MSR1: variants seen among roughly 807,000 people sequenced by gnomAD.
The protein encoded by MSR1 is macrophage scavenger receptor 1, also known as macrophage scavenger receptor types I and II.
MSR1 carries 53 observed loss-of-function variants against 47.2 expected under a neutral mutation model. The observed-to-expected ratio is 1.12, with a 90% CI of 0.90 to 1.41. The LOEUF is 1.41. Ranked by LOEUF, MSR1 falls within the 40% of genes most tolerant of loss-of-function variation. The pLI, the probability that MSR1 is intolerant of heterozygous loss-of-function variation, is 0.00. For missense variants in MSR1, 786 were observed against 546.9 expected, an observed-to-expected ratio of 1.44 and a Z score of -4.36; for synonymous variants, 239 against 185.6, an observed-to-expected ratio of 1.29 and a Z score of -2.34.
Position 16,153,080 on chromosome 8 carries a change from G to C in MSR1, c.898+1984C>G, listed in dbSNP as rs530085892. On this transcript the variant is annotated intron_variant, in intron 6 of 9. Transcript: ENST00000262101. ...ATGTATTAGTTATTTGAGGCTACTA[G>C]GACAACCACTTAGGTTTTGCAGATA... is the stretch of plus-strand genomic sequence containing the variant. Among the ~76,000 whole-genome samples, 8 of 152,078 alleles carry C rather than the reference G, an allele frequency of 5.3e-5. No homozygotes were observed. In the South Asian group the frequency reaches 1.7e-3, roughly 32 times the overall value.
At chr8:16,167,065 A>G (rs1201441307) in intron 4 of MSR1, among the ~76,000 whole-genome samples, 1 of 151,936 alleles carries the variant, frequency 6.6e-6, no homozygotes, top group East Asian at 1.9e-4. Context: ...ATTCCCTTGC[A>G]TTTCCTTTTC....
chr8:16,160,712 C>A (rs1801136900), intron 5 of MSR1, among the ~76,000 whole-genome samples: 3 of 151,938 alleles, frequency 2.0e-5, no homozygotes, highest in African/African-American at 7.3e-5. Context: ...AGAGAAGAAC[C>A]TTTCAAGAGA....
intron 9 of MSR1, 102 bp downstream of exon 9, chr8:16,120,316 G>A (rs1799969135): frequency 1.7e-6 from 2 of 1,205,650 alleles, no homozygotes; most frequent in Admixed American, 1.8e-5. Flanking sequence ...GGCAGAGGTT[G>A]CAGTGAGCCG....
At chr8:16,171,160 G>C (rs530315380) in intron 3 of MSR1, among the ~76,000 whole-genome samples, 2 of 148,206 alleles carry the variant, frequency 1.3e-5, no homozygotes, top group Admixed American at 1.4e-4. Context: ...GGAGGCGGAG[G>C]TTGCAGTGTG....
chr8:16,191,033 A>T (rs1802186914), intron 1 of MSR1, among the ~76,000 whole-genome samples: 1 of 152,078 alleles, frequency 6.6e-6, no homozygotes, highest in South Asian at 2.1e-4. Context: ...TCATATTCTT[A>T]AGGCCAACTT....
At chr8:16,176,611 A>T (rs1402355889) in intron 2 of MSR1, among the ~76,000 whole-genome samples, 2 of 152,114 alleles carry the variant, frequency 1.3e-5, no homozygotes, top group African/African-American at 4.8e-5. Context: ...GATATAGTCC[A>T]CCTGCCAGGT....
In MSR1 at chr8:16,172,933, T is replaced by C. The variant is rs568488567; in HGVS notation, c.217+2254A>G. Reference sequence around the variant, plus strand: ...TATTCTGTCTACATTTGTAATTTTTTATGCCAAGTAGAGATATATATTGCT... The same window carrying C: ...TATTCTGTCTACATTTGTAATTTTTCATGCCAAGTAGAGATATATATTGCT... On this transcript the variant is annotated intron_variant, in intron 3 of 9. Transcript: ENST00000262101. 2.0e-5 allele frequency among the ~76,000 whole-genome samples: 3 copies of C among 152,302 alleles called. No individual in the cohort carries two copies. The East Asian group carries it at 5.8e-4, about 29-fold the overall frequency.
At chr8:16,190,559 T>G (rs1489992823) in intron 1 of MSR1, among the ~76,000 whole-genome samples, 2 of 152,168 alleles carry the variant, frequency 1.3e-5, no homozygotes, top group Non-Finnish European at 2.9e-5. Flanking sequence ...TCTATTCATA[T>G]TCACTGCTTA....
intron 1 of MSR1, among the ~76,000 whole-genome samples, chr8:16,189,368 A>ATAAAATCT (rs1802103516): frequency 8.3e-6 from 1 of 120,944 alleles, no homozygotes; most frequent in South Asian, 2.5e-4. Context: ...ATTTTTATAT[A>ATAAAATCT]TATTTTATAT....
chr8:16,188,981 T>C (rs867496656), intron 1 of MSR1, among the ~76,000 whole-genome samples: 22,340 of 142,748 alleles, frequency 0.16, 2,861 homozygotes, highest in African/African-American at 0.31. Flanking sequence ...TATATATATA[T>C]ATATATATAT....
chr8:16,112,561 G>A (rs12678046), intron 9 of MSR1, among the ~76,000 whole-genome samples: 14,691 of 151,976 alleles, frequency 0.097, 887 homozygotes, highest in South Asian at 0.2. Flanking sequence ...CACATTTTCC[G>A]TCTCATTCCA....
intron 7 of MSR1, among the ~76,000 whole-genome samples, chr8:16,147,632 G>C (rs145931246): frequency 6.6e-6 from 1 of 151,862 alleles, no homozygotes; most frequent in Admixed American, 6.6e-5. Flanking sequence ...GACAATTATC[G>C]GACTTATTTC....
chr8:16,164,199 G>A lies in MSR1; in HGVS notation c.683C>T (p.Ala228Val). The A allele has an allele frequency of 1.2e-6, 2 of 1,611,962 alleles. No homozygotes were observed. The highest frequency in any genetic ancestry group is 1.7e-6 in the Non-Finnish European group (2 of 1,178,930). ...RVYNVSAEIM[A>V]MKEEQVHLEQ... ...CAAATGCACTTGTTCTTCTTTCATA[G>A]CCATAATTTCTGCTGATACATTGTA... is the stretch of plus-strand genomic sequence containing the variant. Residue 228 changes from alanine to valine, a missense_variant, in exon 5 of 10, where the codon GCT becomes GTT. Coordinates refer to ENST00000262101, the MANE Select transcript of MSR1 (RefSeq NM_138715.3).
At chr8:16,180,290 CT>C (rs1256028597) in intron 1 of MSR1, among the ~76,000 whole-genome samples, 1 of 152,076 alleles carries the variant, frequency 6.6e-6, no homozygotes, top group Non-Finnish European at 1.5e-5. Context: ...TACTAAGCAG[CT>C]TTTAAAAATG....
Position 16,168,050 on chromosome 8 carries a change from T to G in MSR1, c.630+408A>C, listed in dbSNP as rs921069677. Among the ~76,000 whole-genome samples, 9 of 151,894 alleles carry G rather than the reference T, an allele frequency of 5.9e-5. No homozygotes were observed. In the South Asian group the frequency reaches 1.7e-3, roughly 28 times the overall value. On this transcript the variant is annotated intron_variant, in intron 4 of 9. Transcript: ENST00000262101. ...TGAGGACCATGTATAAGTTCAAAAG[T>G]TCTGAGTGAAACTTACAAATAAAAA...
chr8:16,140,464 T>G (rs1563148603), intron 8 of MSR1: 6 of 988,128 alleles, frequency 6.1e-6, no homozygotes, highest in Non-Finnish European at 7.2e-6. Flanking sequence ...TACACCCTAG[T>G]TGTAGTCTCA....
At chr8:16,188,780 TGTTA>T (rs1409422659) in intron 1 of MSR1, among the ~76,000 whole-genome samples, 1 of 152,032 alleles carries the variant, frequency 6.6e-6, no homozygotes, top group Admixed American at 6.6e-5. Flanking sequence ...TCTGTTCCTC[TGTTA>T]GTTTGCTGAG....
rs963802867 is a variant in MSR1, at chr8:16,171,648, C to T, written c.218-2778G>A. 3.3e-5 allele frequency among the ~76,000 whole-genome samples: 5 copies of T among 152,142 alleles called. No homozygotes were observed. The East Asian group carries it at 9.7e-4, about 29-fold the overall frequency. On this transcript the variant is annotated intron_variant, in intron 3 of 9. Transcript: ENST00000262101. ...TTGAGTTACTCTGGGAATAAAAGAA[C>T]AATTGGGAATGGAATTTGACTGTAA...
At chr8:16,188,089 C>T (rs564911456) in intron 1 of MSR1, among the ~76,000 whole-genome samples, 44 of 152,160 alleles carry the variant, frequency 2.9e-4, no homozygotes, top group African/African-American at 9.9e-4. Context: ...TGCTGATAAA[C>T]GATTGTAAAA....
Sources: gnomAD v4.1 joint callset for allele counts (sites outside exome capture counted in the v4.1 genomes callset) on GRCh38, gnomAD v4.1.1 for gene constraint, MANE v1.5 for transcripts, NCBI Gene and HGNC (gene_info 2026-07-23, HGNC 2026-07-21) for gene names.